The following TRIM66 variants were observed in gnomAD, a reference collection of about 807,000 sequenced individuals.
TRIM66 encodes the protein tripartite motif containing 66, also known as tripartite motif-containing protein 66.
Under a neutral mutation model 148.2 loss-of-function variants are expected in TRIM66, and 99 were observed. The ratio of observed to expected loss-of-function variants is 0.67; its 90% CI spans 0.57 to 0.79. TRIM66 has a LOEUF of 0.79. TRIM66 is among the 30% of genes least tolerant of loss of function. TRIM66 has a pLI of 0.00. For synonymous variants in TRIM66, 616 were observed against 635.9 expected (o/e 0.97, Z 0.47); for missense variants, 1,666 against 1,697.9 (o/e 0.98, Z 0.33).
At position 8,640,647 on chromosome 11, in the gene TRIM66, T is replaced by A. The variant is rs1378255618; in HGVS notation, c.1728A>T (p.Thr576=). 3.9e-6 allele frequency: 6 copies of A among 1,551,154 alleles called. No individual in the cohort carries two copies. The highest frequency in any genetic ancestry group is 1.4e-5 in the African/African-American group (1 of 72,898). The part of the protein sequence containing the change: ...QGAHAQPTLQ[T]PSIQVQFGHH... ...GGCCAAACTGGACTTGGATAGAGGG[T>A]GTCTGTAAGGTGGGCTGGGCATGGG... is the stretch of plus-strand genomic sequence containing the variant. Residue 576 remains threonine (T), a synonymous_variant, in exon 14 of 25, where the codon ACA becomes ACT. Coordinates refer to ENST00000646038, the MANE Select transcript of TRIM66 (RefSeq NM_001388022.1).
chr11:8,620,627 T>G, intron 20 of TRIM66, 55 bp from the exon 21 acceptor site: 1 of 1,534,388 alleles, frequency 6.5e-7, no homozygotes. Context: ...AGAGCACCCT[T>G]CCCTCTCCCT....
intron 1 of TRIM66, among the ~76,000 whole-genome samples, chr11:8,682,242 G>A (rs2039469940): frequency 6.6e-6 from 1 of 152,258 alleles, no homozygotes; most frequent in Admixed American, 6.5e-5. Context: ...GAGAGCGGGA[G>A]AAGGCATTTC....
rs775406906 is a variant in TRIM66 at position 8,640,863 on chromosome 11, C to A, written c.1512G>T (p.Gly504=). 1.8e-4 allele frequency: 285 copies of A among 1,550,374 alleles called. 2 individuals carry two copies. The highest frequency in any genetic ancestry group is 1.5e-3 in the East Asian group (63 of 40,910). ...QPPEMVPQQL[G]SLQCSALLPR... ...GCAGCAGGGCAGAGCACTGCAGAGA[C>A]CCCAGCTGCTGGGGCACCATCTCAG... The change falls in exon 14 of 25, where the codon GGG becomes GGT. Residue 504 remains glycine, a synonymous_variant. Transcript: ENST00000646038.
intron 6 of TRIM66, among the ~76,000 whole-genome samples, chr11:8,665,955 T>TA (rs537005897): frequency 5.6e-4 from 84 of 151,044 alleles, no homozygotes; most frequent in Admixed American, 3.3e-3. Context: ...TCTCAAAAAA[T>TA]AAAAAAAGAG....
At chr11:8,669,743 G>A (rs904670841) in intron 6 of TRIM66, among the ~76,000 whole-genome samples, 1 of 152,146 alleles carries the variant, frequency 6.6e-6, no homozygotes, top group Non-Finnish European at 1.5e-5. Flanking sequence ...TGTGGGGCCA[G>A]GGTCAGAGAT....
intron 10 of TRIM66, among the ~76,000 whole-genome samples, chr11:8,647,113 A>T (rs2036931595): frequency 6.7e-6 from 1 of 150,350 alleles, no homozygotes; most frequent in African/African-American, 2.4e-5. Flanking sequence ...TTTATTATAA[A>T]CATATAATAA....
At position 8,682,625 on chromosome 11, in the gene TRIM66, C is replaced by A; in HGVS notation, c.-572G>T. The A allele has an allele frequency of 1.5e-6, 1 of 669,572 alleles. No homozygotes were observed. The allele number at this position is 669,572 out of a possible 1,614,324, so 41.5% of individuals were successfully genotyped here. A position where few individuals can be genotyped will look rare whatever the true frequency, so the allele number is the denominator to read the frequency against. On this transcript the variant is annotated 5_prime_UTR_variant, in exon 1 of 25. Transcript: ENST00000646038. ...CCGAAACCGTACACCGCCACCAGGA[C>A]ACTCCGTGATGGGGGATCACCACCC...
At chr11:8,659,302 A>C (rs1375569083) in intron 6 of TRIM66, among the ~76,000 whole-genome samples, 1 of 152,154 alleles carries the variant, frequency 6.6e-6, no homozygotes, top group African/African-American at 2.4e-5. Flanking sequence ...CTTTATGATT[A>C]TCTTGATGGA....
intron 3 of TRIM66, among the ~76,000 whole-genome samples, chr11:8,676,408 G>A (rs941103073): frequency 1.3e-5 from 2 of 152,108 alleles, no homozygotes; most frequent in African/African-American, 4.8e-5. Flanking sequence ...AAAATTGTTT[G>A]ACCTGTGAAC....
At chr11:8,649,710 G>T (rs1286401019) in intron 8 of TRIM66, 30 bp downstream of exon 8, 1 of 1,549,518 alleles carries the variant, frequency 6.5e-7, no homozygotes, top group Non-Finnish European at 8.7e-7. Context: ...TTAGGGCATG[G>T]GAGTGGGCAG....
At position 8,622,357 on chromosome 11, in the gene TRIM66, C is replaced by T. The variant is rs1359775173; in HGVS notation, c.3080+459G>A. The stretch of plus-strand genomic sequence containing the variant: ...CACACACAACACACACACACACACA[C>T]ACACACACATATATATATATATATA... On this transcript the variant is annotated intron_variant, in intron 18 of 24. Coordinates refer to ENST00000646038, the MANE Select transcript of TRIM66 (RefSeq NM_001388022.1). Among the ~76,000 whole-genome samples the T allele has an allele frequency of 3.9e-3, 221 of 56,546 alleles. 5 individuals are homozygous for T. Among genetic ancestry groups the T allele is most frequent in the Non-Finnish European group, 9.2e-3 (190 of 20,610 alleles). 37.1% of individuals were successfully genotyped at this position (56,546 alleles called of 152,430 possible).
chr11:8,647,225 C>T (rs2036943279), intron 10 of TRIM66, among the ~76,000 whole-genome samples: 1 of 151,920 alleles, frequency 6.6e-6, no homozygotes, highest in African/African-American at 2.4e-5. Flanking sequence ...CTAAAGGCCA[C>T]TGAATTATAC....
Position 8,624,926 on chromosome 11 carries a change from T to C in TRIM66, c.2613A>G (p.Ala871=), listed in dbSNP as rs1300539469. Residue 871 remains alanine, a synonymous_variant, in exon 16 of 25, where the codon GCA becomes GCG. Transcript: ENST00000646038. ...NLISDSPQAM[A]SLASDHPQAG... is the part of the protein sequence containing the mutation. ...CCTGAGGGTGATCACTTGCCAGGCT[T>C]GCCATAGCCTGAGGGGAGTCACTTA... The C allele has an allele frequency of 6.4e-7, 1 of 1,551,610 alleles. No homozygotes were observed. Among genetic ancestry groups the C allele is most frequent in the Non-Finnish European group, 8.7e-7 (1 of 1,146,930 alleles).
At chr11:8,629,583 C>A (rs1270530593) in intron 15 of TRIM66, among the ~76,000 whole-genome samples, 1 of 152,136 alleles carries the variant, frequency 6.6e-6, no homozygotes, top group Non-Finnish European at 1.5e-5. Flanking sequence ...GCTCTCCTGT[C>A]CTAATTACCT....
intron 16 of TRIM66, 39 bp from the exon 17 acceptor site, chr11:8,624,590 A>T: frequency 6.6e-7 from 1 of 1,506,004 alleles, no homozygotes. Flanking sequence ...CAAAGAACTC[A>T]GACATGGTTG....
chr11:8,677,992 C>T (rs1013321706), intron 3 of TRIM66: 1 of 152,076 alleles, frequency 6.6e-6, no homozygotes, highest in Non-Finnish European at 1.5e-5. Context: ...CAAAAACTAC[C>T]GATAAAGGCA....
At position 8,622,378 on chromosome 11, in the gene TRIM66, A is replaced by ATATATATATATATATATATATC. The variant is rs1565477353; in HGVS notation, c.3080+437_3080+438insGATATATATATATATATATATA. ...CACACACACACACATATATATATAT[A>ATATATATATATATATATATATC]TATATCTCCTACTTGTTCTGTGCCT... On this transcript the variant is annotated intron_variant, in intron 18 of 24. Coordinates refer to ENST00000646038, the MANE Select transcript of TRIM66 (RefSeq NM_001388022.1). Among the ~76,000 whole-genome samples the ATATATATATATATATATATATC allele has an allele frequency of 3.1e-5, 4 of 128,194 alleles. No individual in the cohort carries two copies. In the East Asian group the frequency reaches 8.5e-4, roughly 27 times the overall value. 84.1% of individuals were successfully genotyped at this position (128,194 alleles called of 152,430 possible). A position where few individuals can be genotyped will look rare whatever the true frequency, so the allele number is the denominator to read the frequency against.
At chr11:8,627,812 C>A (rs1464209748) in intron 15 of TRIM66, among the ~76,000 whole-genome samples, 3 of 152,132 alleles carry the variant, frequency 2.0e-5, no homozygotes, top group East Asian at 1.9e-4. Flanking sequence ...TCATGTGCAT[C>A]CATGAATAGT....
intron 6 of TRIM66, chr11:8,658,772 T>A: frequency 1.0e-6 from 1 of 985,166 alleles, no homozygotes; most frequent in Non-Finnish European, 1.2e-6. Context: ...GCCCAAGATA[T>A]CCCTCCATGC....
Sources: allele counts gnomAD v4.1 joint callset (sites outside exome capture counted in the v4.1 genomes callset), GRCh38; gene constraint gnomAD v4.1.1; transcripts MANE v1.5; gene names NCBI Gene and HGNC (gene_info 2026-07-23, HGNC 2026-07-21).